Variants in ESR1 observed in about 807,000 individuals in gnomAD.
ESR1 encodes estrogen receptor.
In ESR1, 12 loss-of-function variants were observed where a neutral mutation model predicts 52.7. The ratio of observed to expected loss-of-function variants is 0.23; its 90% CI spans 0.15 to 0.37. The LOEUF (loss-of-function observed/expected upper bound fraction) is 0.37. Ranked by LOEUF, ESR1 falls within the 10% of genes least tolerant of loss-of-function variation. ESR1 has a pLI of 1.00. For missense variants in ESR1, 584 were observed against 779.7 expected, an observed-to-expected ratio of 0.75 and a Z score of 2.99; for synonymous variants, 305 against 316.8, an observed-to-expected ratio of 0.96 and a Z score of 0.39.
intron 5 of ESR1, among the ~76,000 whole-genome samples, chr6:152,015,362 T>C (rs191704124): frequency 8.1e-4 from 124 of 152,344 alleles, no homozygotes; most frequent in Non-Finnish European, 1.4e-3. Flanking sequence ...CCTTTATATA[T>C]ACAAAAGGCT....
At chr6:151,756,990 AAAAT>A (rs999606798) in intron 2 of ESR1, among the ~76,000 whole-genome samples, 1 of 152,228 alleles carries the variant, frequency 6.6e-6, no homozygotes, top group African/African-American at 2.4e-5. Flanking sequence ...ACTCTGTCTC[AAAAT>A]AAATAAATAA....
chr6:151,978,941 C>T (rs993078175), intron 4 of ESR1, among the ~76,000 whole-genome samples: 1 of 152,006 alleles, frequency 6.6e-6, no homozygotes, highest in African/African-American at 2.4e-5. Context: ...GAAATAGAAA[C>T]AAGAATAACT....
intron 1 of ESR1, among the ~76,000 whole-genome samples, chr6:151,660,503 A>G (rs1777601843): frequency 6.6e-6 from 1 of 152,238 alleles, no homozygotes; most frequent in Admixed American, 6.5e-5. Context: ...AATGAAAAAT[A>G]TGTAAAACTC....
At chr6:151,866,970 C>A (rs1790027372) in intron 2 of ESR1, among the ~76,000 whole-genome samples, 1 of 152,110 alleles carries the variant, frequency 6.6e-6, no homozygotes, top group South Asian at 2.1e-4. Flanking sequence ...TACACATGTA[C>A]AACCCTCTGA....
At chr6:151,857,469 A>G (rs202233191) in intron 2 of ESR1, among the ~76,000 whole-genome samples, 8 of 151,292 alleles carry the variant, frequency 5.3e-5, no homozygotes, top group Non-Finnish European at 1.0e-4. Flanking sequence ...AAACACACCC[A>G]CACACACAAA....
At chr6:151,745,985 T>C (rs2128066609) in intron 2 of ESR1, among the ~76,000 whole-genome samples, 1 of 152,302 alleles carries the variant, frequency 6.6e-6, no homozygotes, top group African/African-American at 2.4e-5. Flanking sequence ...TGGAGTCATA[T>C]GGTATTTAGC....
chr6:151,850,009 T>G (rs1432275463), intron 2 of ESR1, among the ~76,000 whole-genome samples: 1 of 92,788 alleles, frequency 1.1e-5, no homozygotes, highest in Non-Finnish European at 2.2e-5. Context: ...TATATATAAT[T>G]TTGTATATAT....
chr6:152,126,659 C>T (rs1036690151), exon 7 of ESR1: 1 of 152,074 alleles, frequency 6.6e-6, no homozygotes, highest in African/African-American at 2.4e-5. Flanking sequence ...TTCAAATTTC[C>T]AGGTAAATAG....
At chr6:151,935,622 A>T (rs1483313893) in intron 3 of ESR1, among the ~76,000 whole-genome samples, 2 of 152,228 alleles carry the variant, frequency 1.3e-5, no homozygotes, top group African/African-American at 4.8e-5. Flanking sequence ...AAGTCCTGAC[A>T]CCCACCAACT....
intron 4 of ESR1, among the ~76,000 whole-genome samples, chr6:151,967,325 C>G (rs985233538): frequency 7.2e-5 from 11 of 152,120 alleles, no homozygotes; most frequent in Admixed American, 7.2e-4. Flanking sequence ...TAAATGCTAT[C>G]CTTCGCCTAG....
chr6:152,119,400 C>A (rs1490648363), intron 6 of ESR1, among the ~76,000 whole-genome samples: 1 of 152,110 alleles, frequency 6.6e-6, no homozygotes, highest in Non-Finnish European at 1.5e-5. Context: ...AAAATCCTTT[C>A]ATTTCTCCCG....
At chr6:151,994,349 T>G (rs1249248664) in intron 4 of ESR1, among the ~76,000 whole-genome samples, 3 of 152,182 alleles carry the variant, frequency 2.0e-5, no homozygotes, top group African/African-American at 7.2e-5. Flanking sequence ...TGCTGGCTCT[T>G]TAAGACTGGA....
intron 5 of ESR1, among the ~76,000 whole-genome samples, chr6:152,033,531 A>G (rs1413625508): frequency 6.6e-6 from 1 of 152,238 alleles, no homozygotes; most frequent in East Asian, 1.9e-4. Flanking sequence ...CAGCCAACAG[A>G]CACATGAAAA....
chr6:151,977,537 G>C (rs572866003), intron 4 of ESR1, among the ~76,000 whole-genome samples: 1 of 151,998 alleles, frequency 6.6e-6, no homozygotes, highest in East Asian at 1.9e-4. Flanking sequence ...GCTCACCCCT[G>C]TAATCCCAGC....
At chr6:151,977,968 A>G (rs1304665866) in intron 4 of ESR1, among the ~76,000 whole-genome samples, 1 of 151,130 alleles carries the variant, frequency 6.6e-6, no homozygotes, top group African/African-American at 2.4e-5. Flanking sequence ...AAAAAGAAAA[A>G]AAAAAAAAAA....
chr6:151,672,994 A>AT (rs111819437), intron 1 of ESR1, among the ~76,000 whole-genome samples: 4,934 of 149,180 alleles, frequency 0.033, 236 homozygotes, highest in African/African-American at 0.11. Context: ...ACGCCCAGCT[A>AT]TTTTTTTTTG....
chr6:152,038,362 C>T (rs929813001), intron 5 of ESR1, among the ~76,000 whole-genome samples: 4 of 152,154 alleles, frequency 2.6e-5, no homozygotes, highest in African/African-American at 7.2e-5. Flanking sequence ...TTTGGTAATA[C>T]CCTCACAGAC....
chr6:152,115,306 T>G (rs988050284), intron 6 of ESR1, among the ~76,000 whole-genome samples: 1 of 152,220 alleles, frequency 6.6e-6, no homozygotes, highest in Non-Finnish European at 1.5e-5. Context: ...GCACTATAAT[T>G]AATTCAACAA....
intron 2 of ESR1, among the ~76,000 whole-genome samples, chr6:151,847,130 CCAGGAAGACATGGTAT>C (rs1167623120): frequency 2.6e-4 from 39 of 152,138 alleles, no homozygotes; most frequent in Non-Finnish European, 2.1e-4. Flanking sequence ...TGATCTTTGG[CCAGGAAGACATGGTAT>C]CAGGGTAGAG....
Sources: allele counts gnomAD v4.1 joint callset (sites outside exome capture counted in the v4.1 genomes callset), GRCh38; gene constraint gnomAD v4.1.1; transcripts MANE v1.5; gene names NCBI Gene and HGNC (gene_info 2026-07-23, HGNC 2026-07-21).